UST: variants seen among roughly 807,000 people sequenced by gnomAD.
UST encodes uronyl 2-sulfotransferase, also known as chondroitin sulfate 2-O-sulfotransferase.
In UST, 21 loss-of-function variants were observed where a neutral mutation model predicts 45.6. The observed-to-expected ratio is 0.46, with a 90% CI of 0.33 to 0.66. The LOEUF (loss-of-function observed/expected upper bound fraction) is 0.66, where lower values mean the gene tolerates loss of function less well. Ranked by LOEUF, UST falls within the 30% of genes least tolerant of loss-of-function variation. The pLI, the probability that UST is intolerant of heterozygous loss-of-function variation, is 0.02. For missense variants in UST, 463 were observed against 512.4 expected (o/e 0.90, Z 0.93); for synonymous variants, 215 against 200.6 (o/e 1.07, Z -0.61).
chr6:149,057,023 C>A (rs927852989), intron 7 of UST, among the ~76,000 whole-genome samples: 6 of 152,188 alleles, frequency 3.9e-5, no homozygotes, highest in Admixed American at 1.3e-4. Context: ...TCTTGAGACT[C>A]ACCATTGGTT....
chr6:148,863,763 A>AG (rs1778366396), intron 1 of UST, among the ~76,000 whole-genome samples: 1 of 152,192 alleles, frequency 6.6e-6, no homozygotes, highest in Admixed American at 6.5e-5. Flanking sequence ...AGTTTGCTGC[A>AG]GGTCACTCCA....
intron 1 of UST, among the ~76,000 whole-genome samples, chr6:148,764,711 G>C (rs1776287501): frequency 6.6e-6 from 1 of 152,186 alleles, no homozygotes. Context: ...GGGAGTGCAT[G>C]AATAGGGTGT....
At chr6:148,877,811 T>A (rs1582871766) in intron 1 of UST, among the ~76,000 whole-genome samples, 1 of 94,546 alleles carries the variant, frequency 1.1e-5, no homozygotes, top group East Asian at 3.5e-4. Context: ...GGGTCATGTG[T>A]GAGTGTGGGG....
chr6:148,789,372 A>C (rs975383081), intron 1 of UST, among the ~76,000 whole-genome samples: 1 of 151,664 alleles, frequency 6.6e-6, no homozygotes, highest in African/African-American at 2.4e-5. Flanking sequence ...ATCCAATGGA[A>C]GCATCTATAT....
At chr6:148,828,230 A>ATTATTTATTTATTTATTTAT in intron 1 of UST, among the ~76,000 whole-genome samples, 1 of 148,714 alleles carries the variant, frequency 6.7e-6, no homozygotes, top group Non-Finnish European at 1.5e-5. Flanking sequence ...GTTAGTCTAT[A>ATTATTTATTTATTTATTTAT]TTATTTATTT....
rs201994426 is a variant in UST, at chr6:149,019,181, A to C, written c.724A>C (p.Asn242His). Residue 242 changes from asparagine (N) to histidine (H), a missense_variant, in exon 6 of 8, where the codon AAC (asparagine) becomes CAC (histidine). By Grantham distance (68) the Asn-to-His change is moderately conservative. Transcript: ENST00000367463. The part of the protein sequence containing the change: ...CILENYPECS[N>H]PRLFYIIPYF... ...TCTTGAAAACTATCCCGAGTGCTCC[A>C]ACCCCAGGTTATTTTACATCATTCC... 4.3e-6 allele frequency: 7 copies of C among 1,614,096 alleles called. No homozygotes were observed. The highest frequency in any genetic ancestry group is 5.9e-6 in the Non-Finnish European group (7 of 1,179,992).
chr6:149,073,071 T>C (rs1776841437), intron 7 of UST, among the ~76,000 whole-genome samples: 1 of 152,248 alleles, frequency 6.6e-6, no homozygotes, highest in South Asian at 2.1e-4. Context: ...TATTTTGTTA[T>C]TAAGCATTAG....
At chr6:148,924,503 C>G (rs1341098727) in intron 2 of UST, among the ~76,000 whole-genome samples, 1 of 152,166 alleles carries the variant, frequency 6.6e-6, no homozygotes, top group African/African-American at 2.4e-5. Context: ...ACACTGAAGA[C>G]GGTTTTGCCA....
At chr6:149,004,782 AC>A (rs58674859) in intron 5 of UST, among the ~76,000 whole-genome samples, 36,339 of 152,036 alleles carry the variant, frequency 0.24, 4,366 homozygotes, top group African/African-American at 0.25. Context: ...AGGAAGAAGT[AC>A]AATGGGCAGA....
At chr6:149,062,085 T>C (rs1776662568) in intron 7 of UST, among the ~76,000 whole-genome samples, 1 of 152,262 alleles carries the variant, frequency 6.6e-6, no homozygotes, top group African/African-American at 2.4e-5. Flanking sequence ...GGCTTCTACA[T>C]AGCTATTTGT....
At chr6:148,941,617 A>C (rs1780128735) in intron 3 of UST, among the ~76,000 whole-genome samples, 183 bp downstream of exon 3, 2 of 152,184 alleles carry the variant, frequency 1.3e-5, no homozygotes, top group Admixed American at 1.3e-4. Context: ...GAACTCTATA[A>C]ACCAGGGAAT....
intron 5 of UST, among the ~76,000 whole-genome samples, chr6:148,993,644 T>G (rs9390648): frequency 0.36 from 54,966 of 152,030 alleles, 10,467 homozygotes; most frequent in Non-Finnish European, 0.43. Flanking sequence ...AGTGATCAGA[T>G]CATTGACGCA....
chr6:148,823,295 A>AAATTAGATTTTTATCTAAATAAT (rs1300194676), intron 1 of UST, among the ~76,000 whole-genome samples: 2 of 152,244 alleles, frequency 1.3e-5, no homozygotes. Context: ...AAAGAAAGGA[A>AAATTAGATTTTTATCTAAATAAT]GTTTATCACT....
At chr6:148,871,332 A>G (rs982183198) in intron 1 of UST, among the ~76,000 whole-genome samples, 4 of 152,070 alleles carry the variant, frequency 2.6e-5, no homozygotes, top group Non-Finnish European at 5.9e-5. Context: ...GTCGGTGGCA[A>G]TTTGTTACAG....
intron 1 of UST, among the ~76,000 whole-genome samples, chr6:148,855,604 C>G (rs1181952852): frequency 1.3e-5 from 2 of 152,124 alleles, no homozygotes; most frequent in Non-Finnish European, 2.9e-5. Flanking sequence ...AAAAAGGATC[C>G]AAGGAAGGTG....
At chr6:148,756,401 A>T (rs1408517421) in intron 1 of UST, among the ~76,000 whole-genome samples, 3 of 152,178 alleles carry the variant, frequency 2.0e-5, no homozygotes, top group African/African-American at 7.2e-5. Flanking sequence ...GTATGTCCTT[A>T]TAGCAGCATG....
chr6:148,974,577 G>A (rs1196173129), intron 5 of UST, among the ~76,000 whole-genome samples: 1 of 152,168 alleles, frequency 6.6e-6, no homozygotes, highest in African/African-American at 2.4e-5. Context: ...AACAGGTGGG[G>A]TCTTAACTGG....
At chr6:148,794,580 T>A (rs772155696) in intron 1 of UST, among the ~76,000 whole-genome samples, 6 of 152,204 alleles carry the variant, frequency 3.9e-5, no homozygotes, top group Non-Finnish European at 7.3e-5. Context: ...TTAGAAATAG[T>A]TGATGAACTC....
rs180747774 is a variant in UST at position 148,997,788 on chromosome 6, A to G, written c.682-21351A>G. ...CACAGACAATTCTTAGTCACTCATGATACTAGGATCTTGAGAAACCGAAGT... is the reference window on the plus strand; with the variant it reads ...CACAGACAATTCTTAGTCACTCATGGTACTAGGATCTTGAGAAACCGAAGT... On this transcript the variant is annotated intron_variant, in intron 5 of 7. Coordinates refer to ENST00000367463, the MANE Select transcript of UST (RefSeq NM_005715.3). 2.2e-4 allele frequency among the ~76,000 whole-genome samples: 34 copies of G among 152,332 alleles called. 1 individual carries two copies. The highest frequency in any genetic ancestry group is 2.0e-3 in the Admixed American group (30 of 15,302).
Sources: gnomAD v4.1 joint callset for allele counts (sites outside exome capture counted in the v4.1 genomes callset) on GRCh38, gnomAD v4.1.1 for gene constraint, MANE v1.5 for transcripts, NCBI Gene and HGNC (gene_info 2026-07-23, HGNC 2026-07-21) for gene names.